MRPS9: variants seen among roughly 807,000 people sequenced by gnomAD.
MRPS9 encodes the protein mitochondrial ribosomal protein S9.
MRPS9 carries 45 observed loss-of-function variants against 59.9 expected under a neutral mutation model. That is an observed-to-expected ratio of 0.75 (90% CI 0.59 to 0.96). MRPS9 has a LOEUF of 0.96. Among genes scored for constraint, MRPS9 ranks in the 40% least tolerant of loss-of-function variants. The pLI, the probability that MRPS9 is intolerant of heterozygous loss-of-function variation, is 0.00. For missense variants in MRPS9, 473 were observed against 481.1 expected, an observed-to-expected ratio of 0.98 and a Z score of 0.16; for synonymous variants, 171 against 166.8, an observed-to-expected ratio of 1.03 and a Z score of -0.19.
At chr2:105,067,301 A>G (rs965928604) in intron 2 of MRPS9, among the ~76,000 whole-genome samples, 3 of 152,270 alleles carry the variant, frequency 2.0e-5, no homozygotes, top group Admixed American at 6.5e-5. Flanking sequence ...TGTCTTGTAC[A>G]GTTGTGTCAC....
intron 9 of MRPS9, among the ~76,000 whole-genome samples, chr2:105,095,708 A>G (rs1680647641): frequency 6.6e-6 from 1 of 151,606 alleles, no homozygotes; most frequent in African/African-American, 2.4e-5. Context: ...TGTTGGTCAG[A>G]CTGGTCTCAA....
At chr2:105,055,778 T>C (rs1190279431) in intron 2 of MRPS9, among the ~76,000 whole-genome samples, 1 of 152,206 alleles carries the variant, frequency 6.6e-6, no homozygotes, top group Non-Finnish European at 1.5e-5. Context: ...CTCAGCAGTA[T>C]ATATCAACTG....
At chr2:105,058,897 C>T (rs1679843707) in intron 2 of MRPS9, among the ~76,000 whole-genome samples, 2 of 152,052 alleles carry the variant, frequency 1.3e-5, no homozygotes, top group Admixed American at 1.3e-4. Flanking sequence ...TCAGGCTGGT[C>T]TCGAACCCCT....
At chr2:105,061,416 A>G (rs1464184026) in intron 2 of MRPS9, among the ~76,000 whole-genome samples, 1 of 152,172 alleles carries the variant, frequency 6.6e-6, no homozygotes, top group Non-Finnish European at 1.5e-5. Flanking sequence ...TGCTGCTGCT[A>G]CAGGGGTAGT....
intron 2 of MRPS9, among the ~76,000 whole-genome samples, chr2:105,061,436 G>A (rs1679902101): frequency 2.0e-5 from 3 of 152,302 alleles, no homozygotes; most frequent in East Asian, 3.9e-4. Context: ...TATGGGGTGA[G>A]CTTCCTCATA....
At chr2:105,092,246 T>C in intron 7 of MRPS9, 155 bp from the exon 8 acceptor site, 1 of 521,020 alleles carries the variant, frequency 1.9e-6, no homozygotes, top group Non-Finnish European at 3.2e-6. Flanking sequence ...TGCATCTGCA[T>C]GCTGTTTTAA....
chr2:105,045,063 G>A (rs993749120), intron 1 of MRPS9, among the ~76,000 whole-genome samples: 2 of 152,084 alleles, frequency 1.3e-5, no homozygotes, highest in South Asian at 2.1e-4. Context: ...AAAACATGGA[G>A]TAAAGATTTC....
chr2:105,040,312 A>G (rs899868633), intron 1 of MRPS9, among the ~76,000 whole-genome samples: 1 of 152,234 alleles, frequency 6.6e-6, no homozygotes, highest in Non-Finnish European at 1.5e-5. Flanking sequence ...ACAAAACACT[A>G]TACCTGGTCT....
chr2:105,042,044 C>T (rs935156381), intron 1 of MRPS9, among the ~76,000 whole-genome samples: 10 of 152,088 alleles, frequency 6.6e-5, no homozygotes, highest in South Asian at 2.1e-4. Context: ...GGATGATGAA[C>T]GTATCAGTTA....
chr2:105,038,551 C>T lies in MRPS9; in HGVS notation c.135+324C>T, dbSNP rs933011352. On this transcript the variant is annotated intron_variant, in intron 1 of 10. Coordinates refer to ENST00000258455, the MANE Select transcript of MRPS9 (RefSeq NM_182640.3). ...GTGTTGGGTCCAGTCCTACCCTGCC[C>T]TGCTGTCTAGGGAGGAGGAGGGCCG... 2.1e-5 allele frequency: 6 copies of T among 286,310 alleles called. No homozygotes were observed. In the Admixed American group the frequency reaches 2.9e-4, roughly 14 times the overall value. 17.7% of individuals were successfully genotyped at this position (286,310 alleles called of 1,614,324 possible). A position where few individuals can be genotyped will look rare whatever the true frequency, so the allele number is the denominator to read the frequency against.
Position 105,058,970 on chromosome 2 carries a change from G to A in MRPS9, c.315+9620G>A, listed in dbSNP as rs189906494. ...TGGGATTACAGGCGTGAGCCACTGC[G>A]CCCGGCAGTTTAATGAGTTTCTAAA... On this transcript the variant is annotated intron_variant, in intron 2 of 10. Coordinates refer to ENST00000258455, the MANE Select transcript of MRPS9 (RefSeq NM_182640.3). 3.1e-3 allele frequency among the ~76,000 whole-genome samples: 467 copies of A among 151,960 alleles called. 2 individuals carry two copies. Among genetic ancestry groups the A allele is most frequent in the African/African-American group, 0.011 (441 of 41,466 alleles).
chr2:105,096,213 A>G (rs1680655928), intron 9 of MRPS9, among the ~76,000 whole-genome samples: 2 of 152,040 alleles, frequency 1.3e-5, no homozygotes, highest in Admixed American at 6.6e-5. Context: ...GGTATGAAGA[A>G]TAGCACTTGA....
chr2:105,073,592 G>C (rs1403151124), intron 4 of MRPS9, among the ~76,000 whole-genome samples: 10 of 152,128 alleles, frequency 6.6e-5, no homozygotes, highest in Admixed American at 5.9e-4. Context: ...CTTATTAAAA[G>C]ATGGAAGCTT....
At chr2:105,075,777 A>G (rs1220362885) in intron 4 of MRPS9, among the ~76,000 whole-genome samples, 1 of 152,218 alleles carries the variant, frequency 6.6e-6, no homozygotes, top group East Asian at 1.9e-4. Flanking sequence ...ACATTTCAAT[A>G]AAAAAGTTAA....
intron 10 of MRPS9, chr2:105,098,108 T>A (rs1680707458): frequency 6.6e-6 from 1 of 152,238 alleles, no homozygotes; most frequent in African/African-American, 2.4e-5. Context: ...GTTTGAATTT[T>A]CTTTTACCCT....
At chr2:105,088,685 C>T (rs1680497681) in intron 5 of MRPS9, among the ~76,000 whole-genome samples, 1 of 151,596 alleles carries the variant, frequency 6.6e-6, no homozygotes, top group Non-Finnish European at 1.5e-5. Context: ...TTTTTTTAAC[C>T]AACCTCACTG....
chr2:105,078,052 T>A (rs1039771573), intron 4 of MRPS9, among the ~76,000 whole-genome samples: 13 of 151,238 alleles, frequency 8.6e-5, no homozygotes, highest in African/African-American at 3.2e-4. Flanking sequence ...CTCTGCTAAT[T>A]AAAATGGTGG....
intron 1 of MRPS9, among the ~76,000 whole-genome samples, chr2:105,045,702 A>G (rs1055776961): frequency 2.3e-4 from 35 of 152,174 alleles, no homozygotes; most frequent in African/African-American, 8.2e-4. Context: ...TAAATAGCAC[A>G]TTGAATATAC....
In MRPS9 at chr2:105,056,190, CT is replaced by C. The variant is rs34661850; in HGVS notation, c.315+6858del. 8.6e-3 allele frequency among the ~76,000 whole-genome samples: 1,166 copies of C among 135,626 alleles called. 11 individuals are homozygous for C. The highest frequency in any genetic ancestry group is 0.019 in the African/African-American group (704 of 36,382). 89.0% of individuals were successfully genotyped at this position (135,626 alleles called of 152,430 possible). A position where few individuals can be genotyped will look rare whatever the true frequency, so the allele number is the denominator to read the frequency against. On this transcript the variant is annotated intron_variant, in intron 2 of 10. Coordinates refer to ENST00000258455, the MANE Select transcript of MRPS9 (RefSeq NM_182640.3). ...TGTAAAAACCTTATGGGATAGGTAT[CT>C]TTTTTTTTTTTTTTTTTAACAATAC...
Sources: allele counts gnomAD v4.1 joint callset (sites outside exome capture counted in the v4.1 genomes callset), GRCh38; gene constraint gnomAD v4.1.1; transcripts MANE v1.5; gene names NCBI Gene and HGNC (gene_info 2026-07-23, HGNC 2026-07-21).